The following SDHB variants were observed in gnomAD, a reference collection of about 807,000 sequenced individuals.
The protein encoded by SDHB is succinate dehydrogenase [ubiquinone] iron-sulfur subunit, mitochondrial.
In SDHB, 21 loss-of-function variants were observed where a neutral mutation model predicts 39.7. That is an observed-to-expected ratio of 0.53 (90% CI 0.37 to 0.76). The LOEUF (loss-of-function observed/expected upper bound fraction) is 0.76, where lower values mean the gene tolerates loss of function less well. Among genes scored for constraint, SDHB ranks in the 30% least tolerant of loss-of-function variants. The pLI, the probability that SDHB is intolerant of heterozygous loss-of-function variation, is 0.00. For missense variants in SDHB, 343 were observed against 350.9 expected (o/e 0.98, Z 0.18); for synonymous variants, 118 against 117.0 (o/e 1.01, Z -0.06).
chr1:17,019,819 G>C (rs1362009437), intron 7 of SDHB, among the ~76,000 whole-genome samples: 1 of 152,008 alleles, frequency 6.6e-6, no homozygotes, highest in African/African-American at 2.4e-5. Flanking sequence ...CTGTGGCCTG[G>C]AACACCTGGC....
intron 3 of SDHB, among the ~76,000 whole-genome samples, chr1:17,030,435 G>A (rs780468637): frequency 6.6e-6 from 1 of 151,910 alleles, no homozygotes; most frequent in Non-Finnish European, 1.5e-5. Flanking sequence ...TTCCAAAGAG[G>A]AGAAGAATGA....
Position 17,018,946 on chromosome 1 carries a change from C to G in SDHB, c.778G>C (p.Gly260Arg), listed in dbSNP as rs1187293049. 1 of 1,611,052 alleles carries G rather than the reference C, an allele frequency of 6.2e-7. No individual in the cohort carries two copies. The highest frequency in any genetic ancestry group is 8.5e-7 in the Non-Finnish European group (1 of 1,177,842). Residue 260 changes from glycine (G) to arginine (R), a missense_variant, in exon 8 of 8, where the codon GGG (glycine) becomes CGG (arginine). By Grantham distance (125) the Gly-to-Arg change is moderately radical (BLOSUM62 -2). Transcript: ENST00000375499. Reference protein sequence around the residue: ...TRTCPKGLNPGKAIAEIKKMM... With the variant: ...TRTCPKGLNPRKAIAEIKKMM... ...TTCTTGATCTCTGCAATAGCTTTCC[C>G]TGGATTCAGACCCTTGAAAAAAGAG...
At chr1:17,049,302 T>C (rs1193997955) in intron 1 of SDHB, among the ~76,000 whole-genome samples, 1 of 149,498 alleles carries the variant, frequency 6.7e-6, no homozygotes, top group Non-Finnish European at 1.5e-5. Context: ...TAACTTGGAC[T>C]TTTTTTTTTC....
intron 2 of SDHB, among the ~76,000 whole-genome samples, chr1:17,043,063 G>A (rs1348905522): frequency 7.2e-6 from 1 of 137,934 alleles, no homozygotes; most frequent in African/African-American, 2.6e-5. Context: ...CCAGGTTCAA[G>A]TGATTCTCAT....
intron 2 of SDHB, among the ~76,000 whole-genome samples, 180 bp from the exon 3 acceptor site, chr1:17,033,325 T>C (rs2078033453): frequency 6.6e-6 from 1 of 152,238 alleles, no homozygotes; most frequent in African/African-American, 2.4e-5. Flanking sequence ...ACTGCACAGT[T>C]CTATTTTGAT....
At chr1:17,052,737 C>T (rs972135362) in intron 1 of SDHB, among the ~76,000 whole-genome samples, 1 of 152,150 alleles carries the variant, frequency 6.6e-6, no homozygotes, top group African/African-American at 2.4e-5. Flanking sequence ...ACACAGCATG[C>T]TGGATAGAAC....
chr1:17,037,755 C>T (rs1397591520), intron 2 of SDHB, among the ~76,000 whole-genome samples: 2 of 152,018 alleles, frequency 1.3e-5, no homozygotes, highest in African/African-American at 4.8e-5. Context: ...TCGCACCCAG[C>T]CTGGCTAATT....
At chr1:17,035,517 G>GA (rs1006466864) in intron 2 of SDHB, among the ~76,000 whole-genome samples, 1 of 151,702 alleles carries the variant, frequency 6.6e-6, no homozygotes, top group Non-Finnish European at 1.5e-5. Flanking sequence ...CAACATCTTT[G>GA]TTTTTTTTAC....
At position 17,053,945 on chromosome 1, in the gene SDHB, C is replaced by G. The variant is rs569245129; in HGVS notation, c.72+3G>C. 6.2e-7 allele frequency: 1 copy of G among 1,611,594 alleles called. No individual in the cohort carries two copies. The highest frequency in any genetic ancestry group is 2.2e-5 in the East Asian group (1 of 44,810). On this transcript the variant is annotated splice_donor_region_variant and intron_variant, in intron 1 of 7. Coordinates refer to ENST00000375499, the MANE Select transcript of SDHB (RefSeq NM_003000.3). ...TTTCCCTCTCTGAGGCTCCAGGACTCACCTGCAGGCAGGCTCCGCCAAGGG... is the reference window on the plus strand; with the variant it reads ...TTTCCCTCTCTGAGGCTCCAGGACTGACCTGCAGGCAGGCTCCGCCAAGGG...
chr1:17,042,515 T>C (rs1476294450), intron 2 of SDHB, among the ~76,000 whole-genome samples: 1 of 152,212 alleles, frequency 6.6e-6, no homozygotes, highest in Non-Finnish European at 1.5e-5. Context: ...CTGTGGCTCA[T>C]GCCTGTAATC....
chr1:17,045,131 C>T (rs1302345812), intron 1 of SDHB: 1 of 507,996 alleles, frequency 2.0e-6, no homozygotes, highest in Non-Finnish European at 3.6e-6. Flanking sequence ...TTCATCTTCA[C>T]AGAACTTACT....
At position 17,028,661 on chromosome 1, in the gene SDHB, A is replaced by G. The variant is rs775925040; in HGVS notation, c.362T>C (p.Leu121Pro). The change falls in exon 4 of 8, where the codon CTC becomes CCC. Residue 121 changes from leucine to proline, a missense_variant. Coordinates refer to ENST00000375499, the MANE Select transcript of SDHB (RefSeq NM_003000.3). ...LACTRRIDTN[L>P]NKVSKIYPLP... is the part of the protein sequence containing the mutation. ...AGGGTAGATTTTTGAGACCTTATTG[A>G]GGTTGGTGTCAATCCTTCGGGTGCA... 2 of 1,614,038 alleles carry G rather than the reference A, an allele frequency of 1.2e-6. No homozygotes were observed. Among genetic ancestry groups the G allele is most frequent in the Non-Finnish European group, 1.7e-6 (2 of 1,179,996 alleles).
chr1:17,044,004 T>C (rs543667220), intron 2 of SDHB, among the ~76,000 whole-genome samples: 21 of 152,214 alleles, frequency 1.4e-4, no homozygotes, highest in Admixed American at 5.9e-4. Context: ...TACATTTAGG[T>C]TGTTTTAAGT....
chr1:17,037,736 C>A (rs1018960625), intron 2 of SDHB, among the ~76,000 whole-genome samples: 2 of 152,072 alleles, frequency 1.3e-5, no homozygotes, highest in Non-Finnish European at 2.9e-5. Flanking sequence ...GGATTACAGG[C>A]GTGAGCCATC....
At chr1:17,037,158 T>C (rs563159116) in intron 2 of SDHB, among the ~76,000 whole-genome samples, 3 of 152,220 alleles carry the variant, frequency 2.0e-5, no homozygotes, top group African/African-American at 4.8e-5. Context: ...CTGACAGACA[T>C]AGGTTGAAAT....
chr1:17,024,463 T>A (rs2077981229), intron 5 of SDHB, among the ~76,000 whole-genome samples: 2 of 152,204 alleles, frequency 1.3e-5, no homozygotes, highest in African/African-American at 4.8e-5. Context: ...CTGTAGCTGC[T>A]TCTGCCCTGG....
rs764788311 is a variant in SDHB, at chr1:17,018,968, A to G, written c.766-10T>C. On this transcript the variant is annotated splice_polypyrimidine_tract_variant and intron_variant, in intron 7 of 7. Coordinates refer to ENST00000375499, the MANE Select transcript of SDHB (RefSeq NM_003000.3). Reference sequence around the variant, plus strand: ...TCCCTGGATTCAGACCCTTGAAAAAAGAGAAAAGAATCAATAACAAATGAT... The same window carrying G: ...TCCCTGGATTCAGACCCTTGAAAAAGGAGAAAAGAATCAATAACAAATGAT... 1 of 1,596,904 alleles carries G rather than the reference A, an allele frequency of 6.3e-7. No individual in the cohort carries two copies. The highest frequency in any genetic ancestry group is 8.6e-7 in the Non-Finnish European group (1 of 1,165,804).
chr1:17,050,052 G>C (rs963579325), intron 1 of SDHB, among the ~76,000 whole-genome samples: 1 of 152,110 alleles, frequency 6.6e-6, no homozygotes, highest in Non-Finnish European at 1.5e-5. Context: ...GATGACTGTG[G>C]TTACCTGCAA....
chr1:17,032,029 G>A (rs548139065), intron 3 of SDHB, among the ~76,000 whole-genome samples: 56 of 152,210 alleles, frequency 3.7e-4, no homozygotes, highest in Non-Finnish European at 6.5e-4. Flanking sequence ...TGGCTCCACG[G>A]ACATCAGGCC....
Sources: gnomAD v4.1 joint callset for allele counts (sites outside exome capture counted in the v4.1 genomes callset) on GRCh38, gnomAD v4.1.1 for gene constraint, MANE v1.5 for transcripts, NCBI Gene and HGNC (gene_info 2026-07-23, HGNC 2026-07-21) for gene names.